The following LIPE variants were observed in gnomAD, a reference collection of about 807,000 sequenced individuals.
The protein encoded by LIPE is lipase E, hormone sensitive type.
A neutral mutation model predicts 88.5 loss-of-function variants in LIPE; 66 were observed. The ratio of observed to expected loss-of-function variants is 0.75; its 90% CI spans 0.61 to 0.91. The LOEUF (loss-of-function observed/expected upper bound fraction) is 0.91. LIPE is among the 40% of genes least tolerant of loss of function. The pLI is 0.00. For synonymous variants in LIPE, 570 were observed against 617.5 expected (o/e 0.92, Z 1.14); for missense variants, 1,346 against 1,434.7 (o/e 0.94, Z 1.00).
rs1041985214 is a variant in LIPE at position 42,408,553 on chromosome 19, A to G, written c.1420-231T>C. ...ACGCGCAGTATCATGACAAGGAATG[A>G]CGAATGGTTTGGAAAAAAAAAAAGG... On this transcript the variant is annotated intron_variant, in intron 2 of 9. Transcript: ENST00000244289. The surrounding 1 kb of genome is among the most constrained non-coding windows in gnomAD (Gnocchi z 4.3). 5.0e-5 allele frequency: 26 copies of G among 517,918 alleles called. No individual in the cohort carries two copies. Among genetic ancestry groups the G allele is most frequent in the African/African-American group, 4.1e-4 (21 of 50,786 alleles). 32.1% of individuals were successfully genotyped at this position (517,918 alleles called of 1,614,324 possible). A position where few individuals can be genotyped will look rare whatever the true frequency, so the allele number is the denominator to read the frequency against.
At chr19:42,424,546 C>T (rs1481264474) in intron 1 of LIPE, 1 of 456,348 alleles carries the variant, frequency 2.2e-6, no homozygotes, top group Admixed American at 2.3e-5. Context: ...CCTGCCGCCC[C>T]TCTTCCTTCC....
Position 42,406,190 on chromosome 19 carries a change from A to G in LIPE, c.2336T>C (p.Val779Ala). The change falls in exon 7 of 10, where the codon GTG becomes GCG. Residue 779 changes from valine (V) to alanine (A), a missense_variant. By Grantham distance (64) the Val-to-Ala change is moderately conservative. Transcript: ENST00000244289. The surrounding 1 kb of genome is among the most constrained non-coding windows in gnomAD (Gnocchi z 5.7). ...SLMDPLLPLS[V>A]LSKCVSAYAG... is the part of the protein sequence containing the mutation. Reference sequence around the variant, plus strand: ...ATAGGCGCTGACACACTTGGAGAGCACACTGAGGGGCAGCAAGGGGTCCAT... The same window carrying G: ...ATAGGCGCTGACACACTTGGAGAGCGCACTGAGGGGCAGCAAGGGGTCCAT... 1 of 1,612,720 alleles carries G rather than the reference A, an allele frequency of 6.2e-7. No homozygotes were observed. The highest frequency in any genetic ancestry group is 1.7e-4 in the Middle Eastern group (1 of 6,040).
rs200935735 is a variant in LIPE at position 42,403,292 on chromosome 19, T to TGTGTGTGTGTGA, written c.2543-262_2543-261insTCACACACACAC. On this transcript the variant is annotated intron_variant, in intron 8 of 9. Coordinates refer to ENST00000244289, the MANE Select transcript of LIPE (RefSeq NM_005357.4). ...GTGTGTGTGTGTGTGTGTGTGTGTGTGACTGGGAAGATTAGGTGCAGTTTA... is the reference window on the plus strand; with the variant it reads ...GTGTGTGTGTGTGTGTGTGTGTGTGTGTGTGTGTGTGAGACTGGGAAGATTAGGTGCAGTTTA... Among the ~76,000 whole-genome samples the TGTGTGTGTGTGA allele has an allele frequency of 4.2e-4, 54 of 129,214 alleles. 4 individuals carry two copies. The highest frequency in any genetic ancestry group is 7.1e-4 in the East Asian group (3 of 4,230). The allele number at this position is 129,214 out of a possible 152,430, so 84.8% of individuals were successfully genotyped here.
intron 9 of LIPE, 70 bp from the exon 10 acceptor site, chr19:42,402,145 G>C: frequency 7.3e-7 from 1 of 1,376,880 alleles, no homozygotes; most frequent in Admixed American, 3.2e-5. Flanking sequence ...GTAGAGCGAG[G>C]AGGGGTTTGA....
In LIPE at chr19:42,406,466, C is replaced by G. The variant is rs2040187460; in HGVS notation, c.2138-78G>C. 1.6e-6 allele frequency: 2 copies of G among 1,229,156 alleles called. No individual in the cohort carries two copies. The highest frequency in any genetic ancestry group is 1.9e-5 in the Admixed American group (1 of 52,412). The allele number at this position is 1,229,156 out of a possible 1,614,324, so 76.1% of individuals were successfully genotyped here. On this transcript the variant is annotated intron_variant, in intron 6 of 9. Transcript: ENST00000244289. The surrounding 1 kb of genome is among the most constrained non-coding windows in gnomAD (Gnocchi z 5.7). ...GGAGGAGGGCAGGGAGGAACTCAAGCTGGGAGAACTGGGCTCTCCAAGGTG... is the reference window on the plus strand; with the variant it reads ...GGAGGAGGGCAGGGAGGAACTCAAGGTGGGAGAACTGGGCTCTCCAAGGTG...
chr19:42,405,315 G>T, intron 8 of LIPE, 70 bp downstream of exon 8: 1 of 1,501,992 alleles, frequency 6.7e-7, no homozygotes, highest in Non-Finnish European at 9.0e-7. Flanking sequence ...TCTTCCCTGG[G>T]ACTTTTGCTG....
Position 42,401,688 on chromosome 19 carries a change from C to G in LIPE, c.*124G>C. On this transcript the variant is annotated 3_prime_UTR_variant, in exon 10 of 10. Coordinates refer to ENST00000244289, the MANE Select transcript of LIPE (RefSeq NM_005357.4). ...CCCCTCCCCGTGGCGAGGGTCTCAG[C>G]TTTCGGGCCCCCGCCCCGCCCCCTT... 2 of 503,852 alleles carry G rather than the reference C, an allele frequency of 4.0e-6. No individual in the cohort carries two copies. The highest frequency in any genetic ancestry group is 6.3e-6 in the Non-Finnish European group (2 of 317,524). 31.2% of individuals were successfully genotyped at this position (503,852 alleles called of 1,614,324 possible).
At position 42,406,967 on chromosome 19, in the gene LIPE, T is replaced by G. The variant is rs1600113265; in HGVS notation, c.2137+207A>C. 6.7e-6 allele frequency among the ~76,000 whole-genome samples: 1 copy of G among 149,680 alleles called. No individual in the cohort carries two copies. The highest frequency in any genetic ancestry group is 2.5e-5 in the African/African-American group (1 of 40,488). On this transcript the variant is annotated intron_variant, in intron 6 of 9. Transcript: ENST00000244289. The surrounding 1 kb of genome is among the most constrained non-coding windows in gnomAD (Gnocchi z 5.7). ...CAGGACGGTGGGTGGGAAGTGGAGG[T>G]GGAGGAGATGGAGAGTCTGGGTGCC...
At chr19:42,404,481 G>A (rs2040105831) in intron 8 of LIPE, among the ~76,000 whole-genome samples, 1 of 151,918 alleles carries the variant, frequency 6.6e-6, no homozygotes. Context: ...TGCCCGCCTC[G>A]GCCTCCCAAA....
intron 1 of LIPE, among the ~76,000 whole-genome samples, chr19:42,416,409 G>C (rs2040489053): frequency 6.6e-6 from 1 of 152,176 alleles, no homozygotes; most frequent in South Asian, 2.1e-4. Context: ...TTATGCAGAA[G>C]ATCTAGCTAA....
chr19:42,423,507 G>A (rs751337807), intron 1 of LIPE: 1 of 1,275,976 alleles, frequency 7.8e-7, no homozygotes, highest in Admixed American at 2.5e-5. Flanking sequence ...TAGCGGCCTC[G>A]GCGGGCTCCG....
chr19:42,422,444 TGG>T (rs779091232), intron 1 of LIPE, among the ~76,000 whole-genome samples: 8 of 152,218 alleles, frequency 5.3e-5, no homozygotes, highest in Non-Finnish European at 1.2e-4. Context: ...CGAGTGCCCT[TGG>T]GCTCCAGTCC....
In LIPE at chr19:42,403,673, G is replaced by A. The variant is rs188122170; in HGVS notation, c.2543-642C>T. ...TCGCCATGTTGGCCAGGCTGTTCTCGAATTCCTGGCCTCAAGTGATCCGCT... is the reference window on the plus strand; with the variant it reads ...TCGCCATGTTGGCCAGGCTGTTCTCAAATTCCTGGCCTCAAGTGATCCGCT... On this transcript the variant is annotated intron_variant, in intron 8 of 9. Coordinates refer to ENST00000244289, the MANE Select transcript of LIPE (RefSeq NM_005357.4). 1.4e-4 allele frequency among the ~76,000 whole-genome samples: 21 copies of A among 151,872 alleles called. No individual in the cohort carries two copies. The East Asian group carries it at 3.9e-3, about 28-fold the overall frequency.
At position 42,401,552 on chromosome 19, in the gene LIPE, T is replaced by C; in HGVS notation, c.*260A>G. 2.1e-6 allele frequency: 1 copy of C among 477,210 alleles called. No individual in the cohort carries two copies. Among genetic ancestry groups the C allele is most frequent in the South Asian group, 3.5e-5 (1 of 28,704 alleles). 29.6% of individuals were successfully genotyped at this position (477,210 alleles called of 1,614,324 possible). ...TTATTTACAACAAACCAAACCGACC[T>C]GCAAGGGAGGGCCAGTCCCCGTCCC... On this transcript the variant is annotated 3_prime_UTR_variant, in exon 10 of 10. Coordinates refer to ENST00000244289, the MANE Select transcript of LIPE (RefSeq NM_005357.4).
In LIPE at chr19:42,408,137, G is replaced by C. The variant is rs556207551; in HGVS notation, c.1511-16C>G. ...GCGGCCACACCTAGGGGTCAGAAGG[G>C]GTGTCAGGGAGCCCCAGTGGGTCAG... On this transcript the variant is annotated splice_polypyrimidine_tract_variant and intron_variant, in intron 3 of 9. Transcript: ENST00000244289. The surrounding 1 kb of genome is among the most constrained non-coding windows in gnomAD (Gnocchi z 4.3). The C allele has an allele frequency of 6.8e-6, 11 of 1,613,976 alleles. No individual in the cohort carries two copies. The highest frequency in any genetic ancestry group is 9.3e-6 in the Non-Finnish European group (11 of 1,179,958).
chr19:42,413,133 G>T (rs549022608), intron 1 of LIPE, among the ~76,000 whole-genome samples: 2 of 152,350 alleles, frequency 1.3e-5, no homozygotes, highest in East Asian at 3.9e-4. Flanking sequence ...TCTGGCCTCA[G>T]CTTGTCACTT....
intron 1 of LIPE, among the ~76,000 whole-genome samples, chr19:42,421,508 G>A (rs910359354): frequency 1.3e-5 from 2 of 152,320 alleles, no homozygotes; most frequent in Non-Finnish European, 2.9e-5. Context: ...CTGTGAATCT[G>A]TCAGCCCAGG....
In LIPE at chr19:42,427,360, C is replaced by T; in HGVS notation, c.-211G>A. The T allele has an allele frequency of 1.2e-6, 1 of 811,828 alleles. No individual in the cohort carries two copies. The highest frequency in any genetic ancestry group is 1.7e-6 in the Non-Finnish European group (1 of 573,922). The allele number at this position is 811,828 out of a possible 1,614,324, so 50.3% of individuals were successfully genotyped here. A position where few individuals can be genotyped will look rare whatever the true frequency, so the allele number is the denominator to read the frequency against. On this transcript the variant is annotated 5_prime_UTR_variant, in exon 1 of 10. Transcript: ENST00000244289. The stretch of plus-strand genomic sequence containing the variant: ...CCCCCACTAAGTAATGAACTCTGTG[C>T]CTCTTTCTTTGGTGGGAGGATTAGG...
chr19:42,408,576 A>AC lies in LIPE; in HGVS notation c.1420-255_1420-254insG, dbSNP rs1057138173. On this transcript the variant is annotated intron_variant, in intron 2 of 9. Coordinates refer to ENST00000244289, the MANE Select transcript of LIPE (RefSeq NM_005357.4). The surrounding 1 kb of genome is among the most constrained non-coding windows in gnomAD (Gnocchi z 4.3). ...TGACGAATGGTTTGGAAAAAAAAAA[A>AC]GGCAGTAGGTGGAGAGGGCACCAGT... 2 of 488,048 alleles carry AC rather than the reference A, an allele frequency of 4.1e-6. No individual in the cohort carries two copies. Among genetic ancestry groups the AC allele is most frequent in the African/African-American group, 3.9e-5 (2 of 50,898 alleles). 30.2% of individuals were successfully genotyped at this position (488,048 alleles called of 1,614,324 possible). A position where few individuals can be genotyped will look rare whatever the true frequency, so the allele number is the denominator to read the frequency against.
Sources: gnomAD v4.1 joint callset for allele counts (sites outside exome capture counted in the v4.1 genomes callset) on GRCh38, gnomAD v4.1.1 for gene constraint, Gnocchi (gnomAD v3.1) non-coding constraint, MANE v1.5 for transcripts, NCBI Gene and HGNC (gene_info 2026-07-23, HGNC 2026-07-21) for gene names.